The following RXRA variants were observed in gnomAD, a reference collection of about 807,000 sequenced individuals.
The protein encoded by RXRA is retinoid X receptor alpha.
Under a neutral mutation model 44.5 loss-of-function variants are expected in RXRA, and 5 were observed. The observed-to-expected ratio is 0.11, with a 90% CI of 0.06 to 0.24. The LOEUF is 0.24. Ranked by LOEUF, RXRA falls within the 10% of genes least tolerant of loss-of-function variation. The probability of loss-of-function intolerance (pLI) is 1.00; values close to 1 mark genes in which losing one functional copy is unlikely to be tolerated. For missense variants in RXRA, 412 were observed against 646.5 expected (o/e 0.64, Z 3.93); for synonymous variants, 291 against 271.4 (o/e 1.07, Z -0.71).
rs1831631632 is a variant in RXRA, at chr9:134,436,862, C to T, written c.*248C>T. The T allele has an allele frequency of 2.0e-6, 1 of 495,866 alleles. No homozygotes were observed. Among genetic ancestry groups the T allele is most frequent in the South Asian group, 2.5e-5 (1 of 39,334 alleles). The allele number at this position is 495,866 out of a possible 1,614,324, so 30.7% of individuals were successfully genotyped here. ...TTCGTGGCAAGAACTAGCGTGAGCC[C>T]AGCCAGGCGCCTCCCCACCGGGCTC... On this transcript the variant is annotated 3_prime_UTR_variant, in exon 10 of 10. Coordinates refer to ENST00000481739, the MANE Select transcript of RXRA (RefSeq NM_002957.6).
chr9:134,353,508 G>A (rs1341292858), intron 1 of RXRA, among the ~76,000 whole-genome samples: 4 of 152,234 alleles, frequency 2.6e-5, no homozygotes, highest in Non-Finnish European at 5.9e-5. Context: ...TGAGCAAACC[G>A]TCACTTACTT....
chr9:134,369,174 TGTGCGTG>T, intron 1 of RXRA, among the ~76,000 whole-genome samples: 1 of 63,290 alleles, frequency 1.6e-5, no homozygotes, highest in Non-Finnish European at 2.9e-5. Flanking sequence ...CTTGTGTGTG[TGTGCGTG>T]GGGGGGTTAT....
intron 3 of RXRA, 70 bp from the exon 4 acceptor site, chr9:134,408,870 G>A (rs544468698): frequency 2.9e-5 from 41 of 1,404,312 alleles, no homozygotes; most frequent in Non-Finnish European, 3.6e-5. Flanking sequence ...TAGTGGCGGC[G>A]TTGGATGGGG....
intron 1 of RXRA, among the ~76,000 whole-genome samples, chr9:134,335,808 A>G (rs1829993046): frequency 6.6e-6 from 1 of 151,878 alleles, no homozygotes; most frequent in South Asian, 2.1e-4. Context: ...TACTGGGAGG[A>G]ACGGCTGGGG....
chr9:134,410,926 A>T (rs964816395), intron 4 of RXRA, among the ~76,000 whole-genome samples: 3 of 152,302 alleles, frequency 2.0e-5, no homozygotes, highest in African/African-American at 7.2e-5. Flanking sequence ...TCAGATAACC[A>T]GGGGGGGCCC....
At chr9:134,333,240 C>T (rs888842173) in intron 1 of RXRA, among the ~76,000 whole-genome samples, 8 of 152,178 alleles carry the variant, frequency 5.3e-5, no homozygotes, top group African/African-American at 1.7e-4. Context: ...GCACAGCCCA[C>T]ATCTGTCTTT....
intron 1 of RXRA, among the ~76,000 whole-genome samples, chr9:134,397,709 A>G (rs1280661873): frequency 6.6e-6 from 1 of 152,172 alleles, no homozygotes; most frequent in African/African-American, 2.4e-5. Context: ...CTAAGTGGGC[A>G]CGGTGGGTGT....
rs144850754 is a variant in RXRA at position 134,413,606 on chromosome 9, G to A, written c.611-3552G>A. Among the ~76,000 whole-genome samples the A allele has an allele frequency of 9.7e-4, 147 of 152,328 alleles. 1 individual carries two copies. The highest frequency in any genetic ancestry group is 2.1e-3 in the Admixed American group (32 of 15,308). ...CCCAGCCCTGGGCTGCACAAGGGACGGAGGAAGGACTCAGCCATTGCCACT... is the reference window on the plus strand; with the variant it reads ...CCCAGCCCTGGGCTGCACAAGGGACAGAGGAAGGACTCAGCCATTGCCACT... On this transcript the variant is annotated intron_variant, in intron 4 of 9. Coordinates refer to ENST00000481739, the MANE Select transcript of RXRA (RefSeq NM_002957.6).
chr9:134,383,237 CTT>C (rs1198526666), intron 1 of RXRA, among the ~76,000 whole-genome samples: 1 of 152,194 alleles, frequency 6.6e-6, no homozygotes, highest in African/African-American at 2.4e-5. Context: ...CTCTGGGGGT[CTT>C]TGTCTCACTG....
intron 1 of RXRA, among the ~76,000 whole-genome samples, chr9:134,330,841 T>C (rs1554746548): frequency 6.6e-6 from 1 of 152,220 alleles, no homozygotes; most frequent in African/African-American, 2.4e-5. Context: ...GACATACTCA[T>C]TGGCTCTTCC....
At chr9:134,369,274 TTA>T (rs1201908465) in intron 1 of RXRA, among the ~76,000 whole-genome samples, 3 of 24,568 alleles carry the variant, frequency 1.2e-4, no homozygotes, top group East Asian at 2.7e-3. Flanking sequence ...GTGTGGGGGG[TTA>T]TGTGTGTGTG....
At chr9:134,379,178 A>T in intron 1 of RXRA, 1 of 745,996 alleles carries the variant, frequency 1.3e-6, no homozygotes, top group Non-Finnish European at 1.6e-6. Context: ...ACCCGGAATT[A>T]TGCTGTTCTC....
chr9:134,369,951 T>C (rs1830470530), intron 1 of RXRA, among the ~76,000 whole-genome samples: 1 of 152,290 alleles, frequency 6.6e-6, no homozygotes, highest in South Asian at 2.1e-4. Context: ...CCACGGAGTC[T>C]GCCTCCTGCC....
At chr9:134,427,150 G>C (rs1831447373) in intron 6 of RXRA, 1 of 983,052 alleles carries the variant, frequency 1.0e-6, no homozygotes, top group African/African-American at 1.8e-5. Context: ...TGATGCTACA[G>C]ATGTTTCATT....
At chr9:134,401,169 A>G (rs1428579014) in intron 1 of RXRA, among the ~76,000 whole-genome samples, 1 of 152,270 alleles carries the variant, frequency 6.6e-6, no homozygotes, top group Non-Finnish European at 1.5e-5. Context: ...AGGTCCTGGT[A>G]CACGGCAGGT....
At chr9:134,379,201 T>C in intron 1 of RXRA, 1 of 906,870 alleles carries the variant, frequency 1.1e-6, no homozygotes, top group Non-Finnish European at 1.3e-6. Flanking sequence ...TTGGACCTGC[T>C]TGTCCGTGCT....
chr9:134,434,905 A>T (rs1831592345), intron 9 of RXRA, among the ~76,000 whole-genome samples: 1 of 151,858 alleles, frequency 6.6e-6, no homozygotes, highest in South Asian at 2.1e-4. Context: ...ACCTCATAGG[A>T]CACCCAGGCC....
intron 1 of RXRA, among the ~76,000 whole-genome samples, chr9:134,395,551 C>T (rs1178757173): frequency 5.3e-5 from 8 of 152,220 alleles, no homozygotes; most frequent in Admixed American, 1.3e-4. Context: ...CCTTGGTGTG[C>T]CAGGCCCCAT....
At chr9:134,364,300 G>A (rs939056724) in intron 1 of RXRA, among the ~76,000 whole-genome samples, 9 of 152,264 alleles carry the variant, frequency 5.9e-5, no homozygotes, top group African/African-American at 1.4e-4. Flanking sequence ...CGCCCACTGC[G>A]TGGGCACCAG....
Sources: allele counts gnomAD v4.1 joint callset (sites outside exome capture counted in the v4.1 genomes callset), GRCh38; gene constraint gnomAD v4.1.1; transcripts MANE v1.5; gene names NCBI Gene and HGNC (gene_info 2026-07-23, HGNC 2026-07-21).